The following PEX19 variants were observed in gnomAD, a reference collection of about 807,000 sequenced individuals.
PEX19 encodes the protein peroxisomal biogenesis factor 19.
In PEX19, 29 loss-of-function variants were observed where a neutral mutation model predicts 36.3. The ratio of observed to expected loss-of-function variants is 0.80; its 90% CI spans 0.60 to 1.09. PEX19 has a LOEUF of 1.09. PEX19 is among the 50% of genes least tolerant of loss of function. The pLI, the probability that PEX19 is intolerant of heterozygous loss-of-function variation, is 0.00. For synonymous variants in PEX19, 141 were observed against 135.2 expected (o/e 1.04, Z -0.30); for missense variants, 396 against 368.1 (o/e 1.08, Z -0.62).
chr1:160,279,499 G>A lies in PEX19; in HGVS notation c.*52C>T, dbSNP rs1381167613. On this transcript the variant is annotated 3_prime_UTR_variant, in exon 8 of 8. Transcript: ENST00000368072. ...TGCCTCAGGTCCCAATGGTTCTGCTGACTCCAGATGTTCCCCATAGCTGGG... is the reference window on the plus strand; with the variant it reads ...TGCCTCAGGTCCCAATGGTTCTGCTAACTCCAGATGTTCCCCATAGCTGGG... The A allele has an allele frequency of 6.9e-7, 1 of 1,440,342 alleles. No homozygotes were observed. The highest frequency in any genetic ancestry group is 9.8e-7 in the Non-Finnish European group (1 of 1,022,564). 89.2% of individuals were successfully genotyped at this position (1,440,342 alleles called of 1,614,324 possible). A position where few individuals can be genotyped will look rare whatever the true frequency, so the allele number is the denominator to read the frequency against.
At chr1:160,279,993 T>A in intron 6 of PEX19, 77 bp downstream of exon 6, 1 of 1,459,030 alleles carries the variant, frequency 6.9e-7, no homozygotes, top group Non-Finnish European at 9.6e-7. Flanking sequence ...TCTAGCAGTA[T>A]TGCATCCTTC....
chr1:160,277,109 T>A lies in PEX19; in HGVS notation c.*2442A>T. ...AGAGAACAAGAGATACAGGTAGGTATCAGTTCTGCTAGGGTCTTCAGAGAG... is the reference window on the plus strand; with the variant it reads ...AGAGAACAAGAGATACAGGTAGGTAACAGTTCTGCTAGGGTCTTCAGAGAG... On this transcript the variant is annotated 3_prime_UTR_variant, in exon 8 of 8. Transcript: ENST00000368072. 1 of 453,868 alleles carries A rather than the reference T, an allele frequency of 2.2e-6. No individual in the cohort carries two copies. The highest frequency in any genetic ancestry group is 4.4e-6 in the Non-Finnish European group (1 of 226,768). 28.1% of individuals were successfully genotyped at this position (453,868 alleles called of 1,614,324 possible).
In PEX19 at chr1:160,277,148, A is replaced by G. The variant is rs548812232; in HGVS notation, c.*2403T>C. 9.7e-5 allele frequency: 44 copies of G among 454,732 alleles called. No homozygotes were observed. Among genetic ancestry groups the G allele is most frequent in the African/African-American group, 8.2e-4 (41 of 50,124 alleles). The allele number at this position is 454,732 out of a possible 1,614,324, so 28.2% of individuals were successfully genotyped here. A position where few individuals can be genotyped will look rare whatever the true frequency, so the allele number is the denominator to read the frequency against. ...GTCTTCAGAGAGACCGAGGGCCCCA[A>G]AACAGTGCTACTCAAAGATGATCTG... On this transcript the variant is annotated 3_prime_UTR_variant, in exon 8 of 8. Transcript: ENST00000368072.
At chr1:160,284,747 G>T (rs1450144777) in intron 1 of PEX19, among the ~76,000 whole-genome samples, 1 of 152,194 alleles carries the variant, frequency 6.6e-6, no homozygotes, top group Non-Finnish European at 1.5e-5. Flanking sequence ...TGCTACTGCT[G>T]CTGAAGTCGA....
In PEX19 at chr1:160,282,179, C is replaced by G. The variant is rs370448833; in HGVS notation, c.454G>C (p.Glu152Gln). The change falls in exon 5 of 8, where the codon GAG becomes CAG. Residue 152 changes from glutamate to glutamine, a missense_variant. Coordinates refer to ENST00000368072, the MANE Select transcript of PEX19 (RefSeq NM_002857.4). ...AGCCCCTCCATGGCCTTGGTCAGCT[C>G]TTCTTCCGACATGCTGGAGTTCTAG... ...DLQNSSMSEE[E>Q]LTKAMEGLGM... 1.2e-6 allele frequency: 2 copies of G among 1,614,174 alleles called. No homozygotes were observed. Among genetic ancestry groups the G allele is most frequent in the Non-Finnish European group, 1.7e-6 (2 of 1,180,030 alleles).
At chr1:160,279,982 G>A in intron 6 of PEX19, 88 bp downstream of exon 6, 2 of 1,410,972 alleles carry the variant, frequency 1.4e-6, no homozygotes, top group African/African-American at 1.4e-5. Flanking sequence ...CTCCACCTAG[G>A]TCTAGCAGTA....
chr1:160,282,381 T>C (rs1216590620), intron 4 of PEX19, 36 bp downstream of exon 4: 1 of 1,518,412 alleles, frequency 6.6e-7, no homozygotes, highest in South Asian at 1.1e-5. Context: ...TGTCTGGGAG[T>C]GGACCCCTTG....
Position 160,278,068 on chromosome 1 carries a change from C to T in PEX19, c.*1483G>A. On this transcript the variant is annotated 3_prime_UTR_variant, in exon 8 of 8. Coordinates refer to ENST00000368072, the MANE Select transcript of PEX19 (RefSeq NM_002857.4). ...GCGACTCATAATGCATGTGAATTTG[C>T]TTTGGAGAGACTTATCTTCTGAGTG... 1.4e-6 allele frequency: 1 copy of T among 702,356 alleles called. No homozygotes were observed. The allele number at this position is 702,356 out of a possible 1,614,324, so 43.5% of individuals were successfully genotyped here. A position where few individuals can be genotyped will look rare whatever the true frequency, so the allele number is the denominator to read the frequency against.
intron 6 of PEX19, 57 bp downstream of exon 6, chr1:160,280,013 T>C: frequency 1.3e-6 from 2 of 1,531,832 alleles, no homozygotes; most frequent in Non-Finnish European, 1.8e-6. Context: ...CCCAGATACT[T>C]CCTTCACTGA....
rs1657658807 is a variant in PEX19, at chr1:160,279,212, G to A, written c.*339C>T. The A allele has an allele frequency of 4.2e-6, 2 of 480,306 alleles. No individual in the cohort carries two copies. The highest frequency in any genetic ancestry group is 3.1e-5 in the South Asian group (2 of 64,720). The allele number at this position is 480,306 out of a possible 1,614,324, so 29.8% of individuals were successfully genotyped here. A position where few individuals can be genotyped will look rare whatever the true frequency, so the allele number is the denominator to read the frequency against. ...AGGCACAAAGACCCTGGACGTAAAGGTGAACATCAGTGTGGCCACATATAA... is the reference window on the plus strand; with the variant it reads ...AGGCACAAAGACCCTGGACGTAAAGATGAACATCAGTGTGGCCACATATAA... On this transcript the variant is annotated 3_prime_UTR_variant, in exon 8 of 8. Transcript: ENST00000368072.
intron 1 of PEX19, chr1:160,284,337 G>T (rs1042882383): frequency 1.0e-5 from 4 of 387,822 alleles, no homozygotes; most frequent in African/African-American, 8.4e-5. Context: ...ATTCACCTCT[G>T]CCCTGAAAAG....
chr1:160,279,936 A>G, intron 6 of PEX19, 91 bp from the exon 7 acceptor site: 1 of 1,371,808 alleles, frequency 7.3e-7, no homozygotes, highest in Non-Finnish European at 1.0e-6. Context: ...TGATCTCTCT[A>G]TTTCTTCTGA....
rs761861882 is a variant in PEX19 at position 160,285,107 on chromosome 1, T to G, written c.18A>C (p.Glu6Asp). Residue 6 changes from glutamate to aspartate, a missense_variant, in exon 1 of 8, where the codon GAA becomes GAC. Transcript: ENST00000368072. MAAAEEGCSVGAEADR... is the reference protein window; with the variant it reads MAAAEDGCSVGAEADR... The stretch of plus-strand genomic sequence containing the variant: ...CCGCTTCGGCCCCGACACTACAGCC[T>G]TCCTCAGCGGCGGCCATCTTGCTAC... 1 of 1,613,938 alleles carries G rather than the reference T, an allele frequency of 6.2e-7. No individual in the cohort carries two copies. Among genetic ancestry groups the G allele is most frequent in the South Asian group, 1.1e-5 (1 of 91,082 alleles).
Position 160,278,952 on chromosome 1 carries a change from AGAG to A in PEX19, c.*596_*598del. On this transcript the variant is annotated 3_prime_UTR_variant, in exon 8 of 8. Coordinates refer to ENST00000368072, the MANE Select transcript of PEX19 (RefSeq NM_002857.4). ...GGAGGTGAGGGCTCAGCACCTAGAGAGAGGAGAATCCTAAGGCCTCTCTTTCAA... is the reference window on the plus strand; with the variant it reads ...GGAGGTGAGGGCTCAGCACCTAGAGAGAGAATCCTAAGGCCTCTCTTTCAA... 2 of 454,120 alleles carry A rather than the reference AGAG, an allele frequency of 4.4e-6. No individual in the cohort carries two copies. Among genetic ancestry groups the A allele is most frequent in the Non-Finnish European group, 8.8e-6 (2 of 226,792 alleles). The allele number at this position is 454,120 out of a possible 1,614,324, so 28.1% of individuals were successfully genotyped here. A position where few individuals can be genotyped will look rare whatever the true frequency, so the allele number is the denominator to read the frequency against.
In PEX19 at chr1:160,277,320, G is replaced by T. The variant is rs1178461528; in HGVS notation, c.*2231C>A. ...ACATGATCAATGGACTTAACCTACA[G>T]AACAGTCTGGCCAGTTTGGGTGCTG... On this transcript the variant is annotated 3_prime_UTR_variant, in exon 8 of 8. Transcript: ENST00000368072. The T allele has an allele frequency of 4.4e-6, 2 of 455,870 alleles. No individual in the cohort carries two copies. The highest frequency in any genetic ancestry group is 4.0e-5 in the African/African-American group (2 of 50,034). 28.2% of individuals were successfully genotyped at this position (455,870 alleles called of 1,614,324 possible). A position where few individuals can be genotyped will look rare whatever the true frequency, so the allele number is the denominator to read the frequency against.
Position 160,282,432 on chromosome 1 carries a change from A to G in PEX19, c.417T>C (p.Asn139=). 6.2e-7 allele frequency: 1 copy of G among 1,613,932 alleles called. No individual in the cohort carries two copies. Among genetic ancestry groups the G allele is most frequent in the Non-Finnish European group, 8.5e-7 (1 of 1,179,810 alleles). ...TTCTCCTCACCTGAAGGTCAGTGGC[A>G]TTTTTGGCTAATCCACTTAGTGTTT... is the stretch of plus-strand genomic sequence containing the variant. ...LKETLSGLAK[N]ATDLQNSSMS... The change falls in exon 4 of 8, where the codon AAT becomes AAC. Residue 139 remains asparagine (N), a synonymous_variant. Coordinates refer to ENST00000368072, the MANE Select transcript of PEX19 (RefSeq NM_002857.4).
intron 1 of PEX19, 47 bp from the exon 2 acceptor site, chr1:160,283,686 TGCAA>T: frequency 5.7e-6 from 8 of 1,413,172 alleles, no homozygotes; most frequent in Non-Finnish European, 8.0e-6. Flanking sequence ...CAGATGAGAA[TGCAA>T]GCAAGGCTGG....
At chr1:160,283,683 G>T in intron 1 of PEX19, 44 bp from the exon 2 acceptor site, 1 of 1,435,884 alleles carries the variant, frequency 7.0e-7, no homozygotes. Context: ...CGACAGATGA[G>T]AATGCAAGCA....
rs1657674120 is a variant in PEX19, at chr1:160,279,476, C to T, written c.*75G>A. 8.3e-7 allele frequency: 1 copy of T among 1,201,504 alleles called. No individual in the cohort carries two copies. Among genetic ancestry groups the T allele is most frequent in the African/African-American group, 1.5e-5 (1 of 67,060 alleles). The allele number at this position is 1,201,504 out of a possible 1,614,324, so 74.4% of individuals were successfully genotyped here. A position where few individuals can be genotyped will look rare whatever the true frequency, so the allele number is the denominator to read the frequency against. ...ACTTCTCCCGCAGGTGACACTCCTG[C>T]CTCAGGTCCCAATGGTTCTGCTGAC... On this transcript the variant is annotated 3_prime_UTR_variant, in exon 8 of 8. Coordinates refer to ENST00000368072, the MANE Select transcript of PEX19 (RefSeq NM_002857.4).
Sources: allele counts gnomAD v4.1 joint callset (sites outside exome capture counted in the v4.1 genomes callset), GRCh38; gene constraint gnomAD v4.1.1; transcripts MANE v1.5; gene names NCBI Gene and HGNC (gene_info 2026-07-23, HGNC 2026-07-21).